Variants in DNAAF9 observed in about 807,000 individuals in gnomAD.
DNAAF9 encodes shulin.
A neutral mutation model predicts 167.0 loss-of-function variants in DNAAF9; 90 were observed. That is an observed-to-expected ratio of 0.54 (90% CI 0.45 to 0.64). DNAAF9 has a LOEUF of 0.64. Among genes scored for constraint, DNAAF9 ranks in the 30% least tolerant of loss-of-function variants. The pLI is 0.00. For missense variants in DNAAF9, 1,315 were observed against 1,442.2 expected (o/e 0.91, Z 1.43); for synonymous variants, 491 against 508.8 (o/e 0.96, Z 0.47).
Position 3,362,218 on chromosome 20 carries a change from C to A in DNAAF9, c.613-2625G>T. ...TGTCATGTCTTCGTAATCTTCTAGA[C>A]CCCAGCTAACTGTGTCATCTCCTAC... On this transcript the variant is annotated intron_variant, in intron 6 of 36. Transcript: ENST00000252032. 2.8e-6 allele frequency: 4 copies of A among 1,431,092 alleles called. No homozygotes were observed. The South Asian group carries it at 4.6e-5, about 17-fold the overall frequency. 88.6% of individuals were successfully genotyped at this position (1,431,092 alleles called of 1,614,324 possible).
chr20:3,257,342 C>T (rs913895218), intron 33 of DNAAF9, among the ~76,000 whole-genome samples: 5 of 151,632 alleles, frequency 3.3e-5, no homozygotes, highest in Middle Eastern at 3.4e-3. Flanking sequence ...GAGACCTTGT[C>T]TCCACAAAAA....
At chr20:3,301,193 T>C (rs1432787533) in intron 21 of DNAAF9, among the ~76,000 whole-genome samples, 2 of 150,058 alleles carry the variant, frequency 1.3e-5, no homozygotes, top group South Asian at 2.1e-4. Flanking sequence ...TTTTTTTTTT[T>C]TTTCTTTTTT....
intron 28 of DNAAF9, among the ~76,000 whole-genome samples, chr20:3,280,007 C>A (rs1204058216): frequency 2.0e-5 from 3 of 152,186 alleles, no homozygotes; most frequent in African/African-American, 7.2e-5. Flanking sequence ...TGACAACAGC[C>A]AGTCACACAT....
At chr20:3,390,320 T>C (rs1028850261) in intron 1 of DNAAF9, among the ~76,000 whole-genome samples, 2 of 151,416 alleles carry the variant, frequency 1.3e-5, no homozygotes, top group Admixed American at 1.3e-4. Context: ...TGTTAAAAAC[T>C]GTGGAATCTA....
chr20:3,369,761 G>A (rs74691805), intron 6 of DNAAF9, among the ~76,000 whole-genome samples: 7,245 of 152,106 alleles, frequency 0.048, 265 homozygotes, highest in African/African-American at 0.1. Context: ...ACCTTTCTAA[G>A]GAGTTTCCTA....
intron 1 of DNAAF9, 98 bp from the exon 2 acceptor site, chr20:3,382,604 T>C (rs906675678): frequency 2.0e-4 from 175 of 893,558 alleles, no homozygotes; most frequent in Non-Finnish European, 2.1e-4. Flanking sequence ...GGAAGAGGAA[T>C]GACTTTGCTG....
rs1027967860 is a variant in DNAAF9 at position 3,368,468 on chromosome 20, C to CT, written c.612+5579dup. Among the ~76,000 whole-genome samples the CT allele has an allele frequency of 7.5e-5, 11 of 147,106 alleles. No individual in the cohort carries two copies. The South Asian group carries it at 8.6e-4, about 12-fold the overall frequency. On this transcript the variant is annotated intron_variant, in intron 6 of 36. Transcript: ENST00000252032. ...TGACTTGTTTTTTCTTCCTGGAAGC[C>CT]TTTTTTTTTCTTTTTTGGCCAAACT... is the stretch of plus-strand genomic sequence containing the variant.
chr20:3,366,380 T>C (rs2123196640), intron 6 of DNAAF9, among the ~76,000 whole-genome samples: 1 of 152,300 alleles, frequency 6.6e-6, no homozygotes, highest in East Asian at 1.9e-4. Context: ...ATTTTTTTTT[T>C]CTGAGAAGTA....
intron 1 of DNAAF9, among the ~76,000 whole-genome samples, chr20:3,397,064 T>C (rs991092069): frequency 6.6e-6 from 1 of 152,000 alleles, no homozygotes; most frequent in African/African-American, 2.4e-5. Flanking sequence ...CTGGGCAACA[T>C]GGCAAAATCC....
chr20:3,399,060 C>A (rs1026108327), intron 1 of DNAAF9, among the ~76,000 whole-genome samples: 11 of 152,156 alleles, frequency 7.2e-5, no homozygotes, highest in African/African-American at 2.7e-4. Flanking sequence ...GCTGGCATCA[C>A]TGAATTATTC....
At chr20:3,377,064 G>A (rs546930853) in intron 3 of DNAAF9, among the ~76,000 whole-genome samples, 37 of 151,400 alleles carry the variant, frequency 2.4e-4, no homozygotes, top group South Asian at 1.0e-3. Context: ...GTGAGACTCC[G>A]TCTCAAAAAA....
chr20:3,386,582 AG>A (rs2083741867), intron 1 of DNAAF9, among the ~76,000 whole-genome samples: 1 of 151,974 alleles, frequency 6.6e-6, no homozygotes, highest in South Asian at 2.1e-4. Context: ...GACACCAAAA[AG>A]TGTGATCCAT....
chr20:3,315,881 C>A lies in DNAAF9; in HGVS notation c.1540-96G>T. On this transcript the variant is annotated intron_variant, in intron 18 of 36. Coordinates refer to ENST00000252032, the MANE Select transcript of DNAAF9 (RefSeq NM_001009984.3). The surrounding 1 kb of genome is among the most constrained non-coding windows in gnomAD (Gnocchi z 4.1). ...TGTTCAAATATTTCCAGGACACTGG[C>A]TGGACAGTCCTTCCACCATGTCCAT... 1 of 916,312 alleles carries A rather than the reference C, an allele frequency of 1.1e-6. No homozygotes were observed. Among genetic ancestry groups the A allele is most frequent in the Non-Finnish European group, 1.8e-6 (1 of 545,270 alleles). 56.8% of individuals were successfully genotyped at this position (916,312 alleles called of 1,614,324 possible). A position where few individuals can be genotyped will look rare whatever the true frequency, so the allele number is the denominator to read the frequency against.
intron 10 of DNAAF9, among the ~76,000 whole-genome samples, chr20:3,335,840 G>C (rs191135485): frequency 6.7e-6 from 1 of 150,220 alleles, no homozygotes; most frequent in African/African-American, 2.4e-5. Context: ...TTTTTTGTTT[G>C]GGCTGAGCGT....
chr20:3,261,432 G>A (rs979058088), intron 31 of DNAAF9, among the ~76,000 whole-genome samples: 7 of 151,752 alleles, frequency 4.6e-5, no homozygotes, highest in African/African-American at 1.7e-4. Flanking sequence ...GCAGTGGCAC[G>A]ATCTCGGCTC....
chr20:3,292,617 T>C (rs868075639), intron 25 of DNAAF9, among the ~76,000 whole-genome samples: 5 of 151,804 alleles, frequency 3.3e-5, no homozygotes, highest in Middle Eastern at 3.4e-3. Context: ...AATACAAAAA[T>C]TAGCTGGGCT....
chr20:3,393,838 T>C (rs886444592), intron 1 of DNAAF9, among the ~76,000 whole-genome samples: 3 of 152,226 alleles, frequency 2.0e-5, no homozygotes, highest in African/African-American at 4.8e-5. Context: ...TTCTAAATTA[T>C]GTGTTACCAC....
intron 3 of DNAAF9, among the ~76,000 whole-genome samples, chr20:3,379,305 C>G (rs918499954): frequency 1.1e-4 from 16 of 150,990 alleles, no homozygotes; most frequent in Non-Finnish European, 2.2e-4. Flanking sequence ...GGGATGAATA[C>G]GTAACCTATT....
chr20:3,316,075 C>A (rs961342955), intron 18 of DNAAF9: 1 of 474,458 alleles, frequency 2.1e-6, no homozygotes, highest in East Asian at 3.5e-5. Context: ...CAGAAAAAAA[C>A]AACTGTTTTT....
Sources: allele counts gnomAD v4.1 joint callset (sites outside exome capture counted in the v4.1 genomes callset), GRCh38; gene constraint gnomAD v4.1.1; non-coding constraint Gnocchi (gnomAD v3.1); transcripts MANE v1.5; gene names NCBI Gene and HGNC (gene_info 2026-07-23, HGNC 2026-07-21).